Variants in TBC1D19 observed in about 807,000 individuals in gnomAD.
TBC1D19 encodes the protein TBC1 domain family, member 19.
Under a neutral mutation model 89.0 loss-of-function variants are expected in TBC1D19, and 60 were observed. The ratio of observed to expected loss-of-function variants is 0.67; its 90% CI spans 0.55 to 0.84. TBC1D19 has a LOEUF of 0.84. TBC1D19 is among the 40% of genes least tolerant of loss of function. The pLI is 0.00. For synonymous variants in TBC1D19, 189 were observed against 199.7 expected, an observed-to-expected ratio of 0.95 and a Z score of 0.45; for missense variants, 500 against 610.8, an observed-to-expected ratio of 0.82 and a Z score of 1.91.
intron 15 of TBC1D19, among the ~76,000 whole-genome samples, chr4:26,727,205 G>C (rs981883405): frequency 3.3e-5 from 5 of 152,172 alleles, no homozygotes; most frequent in African/African-American, 1.2e-4. Context: ...GAGAGGCAAA[G>C]GGAAGGATTT....
chr4:26,785,883 T>G, the TBC1D19 span, among the ~76,000 whole-genome samples: 6 of 152,306 alleles, frequency 3.9e-5, no homozygotes, highest in East Asian at 1.2e-3. Context: ...TATTTTGGAT[T>G]TGTATTCCAC....
intron 5 of TBC1D19, among the ~76,000 whole-genome samples, chr4:26,638,311 T>G (rs536805812): frequency 6.6e-6 from 1 of 151,746 alleles, no homozygotes; most frequent in East Asian, 1.9e-4. Flanking sequence ...GGATGGTGTT[T>G]AAAAAGGGAT....
the TBC1D19 span, among the ~76,000 whole-genome samples, chr4:26,827,727 T>TC: frequency 6.6e-6 from 1 of 151,452 alleles, no homozygotes; most frequent in Admixed American, 6.6e-5. Flanking sequence ...GTTTTTTTTT[T>TC]TTTGATAGGG....
the TBC1D19 span, among the ~76,000 whole-genome samples, chr4:26,798,430 G>GA: frequency 1.6e-3 from 249 of 152,252 alleles, no homozygotes; most frequent in Non-Finnish European, 3.1e-3. Context: ...GGAGAAAAGG[G>GA]AATGCTTATA....
chr4:26,831,383 C>G, the TBC1D19 span, among the ~76,000 whole-genome samples: 1 of 152,150 alleles, frequency 6.6e-6, no homozygotes, highest in Admixed American at 6.5e-5. Context: ...GACAGGTGAT[C>G]TCTGCGGCAA....
At chr4:26,805,180 A>T in the TBC1D19 span, among the ~76,000 whole-genome samples, 1 of 152,196 alleles carries the variant, frequency 6.6e-6, no homozygotes, top group Non-Finnish European at 1.5e-5. Flanking sequence ...TTATGAGATT[A>T]AAAAAGTCCA....
the TBC1D19 span, among the ~76,000 whole-genome samples, chr4:26,761,736 C>T: frequency 6.6e-6 from 1 of 152,050 alleles, no homozygotes. Flanking sequence ...AGTGTTGCAG[C>T]TCACCTAATT....
chr4:26,678,290 G>C (rs1186490813), intron 11 of TBC1D19, among the ~76,000 whole-genome samples: 2 of 152,178 alleles, frequency 1.3e-5, no homozygotes, highest in Non-Finnish European at 2.9e-5. Flanking sequence ...CTAGAGATCT[G>C]TGTAACTTTC....
At chr4:26,701,017 C>T (rs1160287003) in intron 13 of TBC1D19, among the ~76,000 whole-genome samples, 3 of 152,174 alleles carry the variant, frequency 2.0e-5, no homozygotes, top group Non-Finnish European at 4.4e-5. Context: ...GTTCACTTCT[C>T]TCCCTGACAC....
intron 7 of TBC1D19, among the ~76,000 whole-genome samples, chr4:26,652,778 C>G (rs892253824): frequency 3.9e-5 from 6 of 152,062 alleles, no homozygotes; most frequent in Non-Finnish European, 7.3e-5. Context: ...ATTAGTCTTG[C>G]TAGCGGTCTA....
chr4:26,637,741 G>A (rs999662974), intron 5 of TBC1D19, among the ~76,000 whole-genome samples: 2 of 152,008 alleles, frequency 1.3e-5, no homozygotes, highest in African/African-American at 4.8e-5. Context: ...AATTATGTGG[G>A]TATATTCTAT....
At chr4:26,696,961 C>G (rs1033450579) in intron 13 of TBC1D19, among the ~76,000 whole-genome samples, 77 of 151,828 alleles carry the variant, frequency 5.1e-4, no homozygotes, top group African/African-American at 1.5e-3. Context: ...AGAGAAGCAA[C>G]AGCAAACACA....
intron 16 of TBC1D19, among the ~76,000 whole-genome samples, chr4:26,736,729 A>G (rs1006747002): frequency 1.3e-5 from 2 of 152,192 alleles, no homozygotes; most frequent in African/African-American, 4.8e-5. Flanking sequence ...AGGAAGGAAC[A>G]GTACTGAGTT....
chr4:26,638,049 T>C lies in TBC1D19; in HGVS notation c.370-722T>C, dbSNP rs1429071716. On this transcript the variant is annotated intron_variant, in intron 5 of 20. Coordinates refer to ENST00000264866, the MANE Select transcript of TBC1D19 (RefSeq NM_018317.4). ...AAAAGGATAATTTGTCATCTCTCTG[T>C]AGAACTGGAATTCTATTTAGATCTA... Among the ~76,000 whole-genome samples, 13 of 152,328 alleles carry C rather than the reference T, an allele frequency of 8.5e-5. No individual in the cohort carries two copies. The South Asian group carries it at 2.7e-3, about 32-fold the overall frequency.
At chr4:26,833,961 C>A in the TBC1D19 span, among the ~76,000 whole-genome samples, 1 of 152,170 alleles carries the variant, frequency 6.6e-6, no homozygotes, top group Non-Finnish European at 1.5e-5. Flanking sequence ...AAATGGAAAT[C>A]CCCGATGTTG....
At chr4:26,848,358 T>G in the TBC1D19 span, among the ~76,000 whole-genome samples, 1 of 152,368 alleles carries the variant, frequency 6.6e-6, no homozygotes, top group South Asian at 2.1e-4. Context: ...GTTTTAGCTT[T>G]CATAATCATG....
chr4:26,640,299 A>T, intron 7 of TBC1D19, 112 bp downstream of exon 7: 1 of 805,334 alleles, frequency 1.2e-6, no homozygotes, highest in African/African-American at 1.7e-5. Flanking sequence ...CCCCAGAGTC[A>T]CTGAAGCAGT....
intron 1 of TBC1D19, among the ~76,000 whole-genome samples, chr4:26,597,461 T>A (rs1460097302): frequency 6.6e-6 from 1 of 151,996 alleles, no homozygotes; most frequent in Non-Finnish European, 1.5e-5. Context: ...TGACTGTATT[T>A]AATGTATATC....
At chr4:26,711,090 T>C (rs1716154272) in intron 13 of TBC1D19, among the ~76,000 whole-genome samples, 1 of 152,220 alleles carries the variant, frequency 6.6e-6, no homozygotes, top group Admixed American at 6.6e-5. Flanking sequence ...GTTTTAGACA[T>C]GAAGTCCTTG....
Sources: allele counts gnomAD v4.1 joint callset (sites outside exome capture counted in the v4.1 genomes callset), GRCh38; gene constraint gnomAD v4.1.1; transcripts MANE v1.5; gene names NCBI Gene and HGNC (gene_info 2026-07-23, HGNC 2026-07-21).